POMP: variants seen among roughly 807,000 people sequenced by gnomAD.
POMP encodes 2510048O06Rik.
In POMP, 12 loss-of-function variants were observed where a neutral mutation model predicts 20.6. That is an observed-to-expected ratio of 0.58 (90% confidence interval 0.37 to 0.94). POMP has a LOEUF of 0.94. Ranked by LOEUF, POMP falls within the 40% of genes least tolerant of loss-of-function variation. The pLI is 0.01. For missense variants in POMP, 136 were observed against 161.1 expected (o/e 0.84, Z 0.84); for synonymous variants, 53 against 55.0 (o/e 0.96, Z 0.16).
intron 4 of POMP, among the ~76,000 whole-genome samples, 159 bp from the exon 5 acceptor site, chr13:28,672,180 A>C (rs764391706): frequency 2.6e-5 from 4 of 152,216 alleles, no homozygotes; most frequent in Non-Finnish European, 4.4e-5. Context: ...GTTTGTGTCT[A>C]AAATATGAAC....
At chr13:28,676,373 AGT>A (rs1884629125) in intron 5 of POMP, among the ~76,000 whole-genome samples, 2 of 152,114 alleles carry the variant, frequency 1.3e-5, no homozygotes, top group African/African-American at 4.8e-5. Context: ...CCTAATCTAA[AGT>A]AATCCCCGCT....
Position 28,662,101 on chromosome 13 carries a change from A to G in POMP, c.4-309A>G, listed in dbSNP as rs1321034057. The stretch of plus-strand genomic sequence containing the variant: ...CATATTTAGCCAGTTATCTCAAACT[A>G]CCTGAAGCTTGTTCATTTATATTTT... On this transcript the variant is annotated intron_variant, in intron 1 of 5. Transcript: ENST00000380842. 5.3e-5 allele frequency among the ~76,000 whole-genome samples: 8 copies of G among 152,292 alleles called. No individual in the cohort carries two copies. In the East Asian group the frequency reaches 1.4e-3, roughly 26 times the overall value.
At chr13:28,671,914 C>T (rs1884555179) in intron 4 of POMP, among the ~76,000 whole-genome samples, 1 of 152,026 alleles carries the variant, frequency 6.6e-6, no homozygotes, top group Non-Finnish European at 1.5e-5. Flanking sequence ...CCTGTAATCC[C>T]AGTTTTAGTG....
intron 3 of POMP, among the ~76,000 whole-genome samples, chr13:28,667,302 G>T (rs939837789): frequency 6.6e-6 from 1 of 152,174 alleles, no homozygotes; most frequent in Non-Finnish European, 1.5e-5. Context: ...TGAGGCGGGG[G>T]ATTGCTTGAG....
At chr13:28,663,806 AC>A (rs1452963967) in intron 2 of POMP, among the ~76,000 whole-genome samples, 1 of 151,160 alleles carries the variant, frequency 6.6e-6, no homozygotes, top group Admixed American at 6.6e-5. Context: ...TTTTCCCCCC[AC>A]ATGAAATGTT....
At chr13:28,667,091 C>T (rs779886502) in intron 3 of POMP, among the ~76,000 whole-genome samples, 33 of 152,126 alleles carry the variant, frequency 2.2e-4, no homozygotes, top group Non-Finnish European at 2.5e-4. Flanking sequence ...GTAGGCTGTT[C>T]AGTTTTGTTG....
chr13:28,664,300 A>G (rs1884399377), intron 2 of POMP, among the ~76,000 whole-genome samples: 2 of 152,248 alleles, frequency 1.3e-5, no homozygotes, highest in South Asian at 4.1e-4. Context: ...ATTATTATAT[A>G]TACCTTTTTT....
At chr13:28,674,939 T>C (rs1374084388) in intron 5 of POMP, among the ~76,000 whole-genome samples, 1 of 151,876 alleles carries the variant, frequency 6.6e-6, no homozygotes, top group Non-Finnish European at 1.5e-5. Context: ...CTCAGGAGGC[T>C]GAGGCAGGAG....
In POMP at chr13:28,662,494, C is replaced by T. The variant is rs371032321; in HGVS notation, c.88C>T (p.Leu30Phe). The T allele has an allele frequency of 6.2e-6, 10 of 1,611,250 alleles. No individual in the cohort carries two copies. In the African/African-American group the frequency reaches 1.3e-4, roughly 22 times the overall value. ...SASGPFESHD[L>F]LRKGFSCVKN... ...AAGTGGACCTTTTGAAAGTCATGATCTTCTTCGGAAAGGGTATATGGGGGA... is the reference window on the plus strand; with the variant it reads ...AAGTGGACCTTTTGAAAGTCATGATTTTCTTCGGAAAGGGTATATGGGGGA... The change falls in exon 2 of 6, where the codon CTT (leucine) becomes TTT (phenylalanine). Residue 30 changes from leucine (L) to phenylalanine (F), a missense_variant. Leu to Phe is a conservative substitution (Grantham distance 22). Coordinates refer to ENST00000380842, the MANE Select transcript of POMP (RefSeq NM_015932.6).
At chr13:28,665,861 G>A (rs1218350474) in intron 3 of POMP, among the ~76,000 whole-genome samples, 2 of 152,214 alleles carry the variant, frequency 1.3e-5, no homozygotes, top group Non-Finnish European at 2.9e-5. Flanking sequence ...GTAGGGTAAA[G>A]TATATGAGGT....
chr13:28,664,405 C>CA (rs1192016303), intron 2 of POMP, 104 bp from the exon 3 acceptor site: 2 of 747,728 alleles, frequency 2.7e-6, no homozygotes, highest in South Asian at 1.7e-5. Flanking sequence ...TTTGTCACCC[C>CA]AAAAAACTCT....
chr13:28,662,541 T>C lies in POMP; in HGVS notation c.101+34T>C, dbSNP rs375987982. On this transcript the variant is annotated intron_variant, in intron 2 of 5. Transcript: ENST00000380842. ...GGGAGTTATGACTTTGATTTTGTTATGTTTCTGTGAATTTTCACAATATTC... is the reference window on the plus strand; with the variant it reads ...GGGAGTTATGACTTTGATTTTGTTACGTTTCTGTGAATTTTCACAATATTC... 394 of 1,506,462 alleles carry C rather than the reference T, an allele frequency of 2.6e-4. 2 individuals are homozygous for C. Among genetic ancestry groups the C allele is most frequent in the Non-Finnish European group, 3.5e-4 (378 of 1,082,234 alleles). 93.3% of individuals were successfully genotyped at this position (1,506,462 alleles called of 1,614,324 possible).
At chr13:28,663,071 A>T (rs894846355) in intron 2 of POMP, among the ~76,000 whole-genome samples, 1 of 152,188 alleles carries the variant, frequency 6.6e-6, no homozygotes, top group African/African-American at 2.4e-5. Flanking sequence ...AGAAGCACTC[A>T]GTATGTATTG....
At chr13:28,672,027 G>A (rs561437459) in intron 4 of POMP, among the ~76,000 whole-genome samples, 1 of 152,162 alleles carries the variant, frequency 6.6e-6, no homozygotes, top group Non-Finnish European at 1.5e-5. Context: ...GGAATGAGGC[G>A]TGATGTTAAG....
chr13:28,675,197 G>A (rs1419301780), intron 5 of POMP, among the ~76,000 whole-genome samples: 1 of 151,624 alleles, frequency 6.6e-6, no homozygotes, highest in African/African-American at 2.4e-5. Flanking sequence ...CTGGAGTGCA[G>A]TGGCGCGATC....
At chr13:28,659,993 G>A (rs953352403) in intron 1 of POMP, 8 of 152,140 alleles carry the variant, frequency 5.3e-5, no homozygotes, top group African/African-American at 1.7e-4. Context: ...GGTTTTCGTA[G>A]ATTTGCCTTT....
At position 28,678,943 on chromosome 13, in the gene POMP, A is replaced by G. The variant is rs1884678094; in HGVS notation, c.*841A>G. On this transcript the variant is annotated 3_prime_UTR_variant, in exon 6 of 6. Coordinates refer to ENST00000380842, the MANE Select transcript of POMP (RefSeq NM_015932.6). ...CTTAGGAACATCTTTGATTAGATAA[A>G]TTACTGATTTGAAACATTTGGCAAT... 6.6e-6 allele frequency: 1 copy of G among 152,192 alleles called. No individual in the cohort carries two copies. The highest frequency in any genetic ancestry group is 1.5e-5 in the Non-Finnish European group (1 of 68,040). 9.4% of individuals were successfully genotyped at this position (152,192 alleles called of 1,614,324 possible).
intron 4 of POMP, 26 bp downstream of exon 4, chr13:28,668,600 A>T: frequency 6.8e-7 from 1 of 1,468,938 alleles, no homozygotes; most frequent in South Asian, 1.1e-5. Context: ...TCTGTTGCAT[A>T]TGTGTCGATA....
At chr13:28,676,386 C>CTG (rs1884629481) in intron 5 of POMP, among the ~76,000 whole-genome samples, 2 of 152,202 alleles carry the variant, frequency 1.3e-5, no homozygotes, top group African/African-American at 4.8e-5. Context: ...AATCCCCGCT[C>CTG]TGTCACCCTG....
Sources: allele counts gnomAD v4.1 joint callset (sites outside exome capture counted in the v4.1 genomes callset), GRCh38; gene constraint gnomAD v4.1.1; transcripts MANE v1.5; gene names NCBI Gene and HGNC (gene_info 2026-07-23, HGNC 2026-07-21).